IL1RAPL2: variants seen among roughly 807,000 people sequenced by gnomAD.
IL1RAPL2 encodes the protein interleukin 1 receptor accessory protein like 2.
In IL1RAPL2, 3 loss-of-function variants were observed where a neutral mutation model predicts 44.1. The ratio of observed to expected loss-of-function variants is 0.07; its 90% confidence interval spans 0.03 to 0.18. The LOEUF is 0.18. Among genes scored for constraint, IL1RAPL2 ranks in the 10% least tolerant of loss-of-function variants. IL1RAPL2 has a pLI of 1.00. For synonymous variants in IL1RAPL2, 181 were observed against 178.8 expected, an observed-to-expected ratio of 1.01 and a Z score of -0.10; for missense variants, 391 against 496.4, an observed-to-expected ratio of 0.79 and a Z score of 2.02.
intron 2 of IL1RAPL2, among the ~76,000 whole-genome samples, chrX:104,730,013 A>G (rs1379778217): frequency 2.7e-5 from 3 of 111,197 alleles, no homozygotes. Context: ...CAATGATGAT[A>G]TAAGGAAAAA....
chrX:105,119,695 A>G (rs1277908572), intron 2 of IL1RAPL2, among the ~76,000 whole-genome samples: 1 of 111,515 alleles, frequency 9.0e-6, no homozygotes, highest in Admixed American at 9.5e-5. Flanking sequence ...CACTCCCAGC[A>G]TGTGTGTCCA....
chrX:105,038,975 A>G (rs2031674643), intron 2 of IL1RAPL2, among the ~76,000 whole-genome samples: 1 of 111,664 alleles, frequency 9.0e-6, no homozygotes, highest in African/African-American at 3.3e-5. Flanking sequence ...CAATAAGGGA[A>G]TATCAATGCC....
At chrX:105,348,529 A>G (rs1464971590) in intron 5 of IL1RAPL2, among the ~76,000 whole-genome samples, 1 of 111,750 alleles carries the variant, frequency 8.9e-6, no homozygotes, top group African/African-American at 3.3e-5. Context: ...TATTCTCATA[A>G]AGACTCCCAT....
intron 2 of IL1RAPL2, among the ~76,000 whole-genome samples, chrX:104,906,709 A>C (rs1924021870): frequency 8.9e-6 from 1 of 111,856 alleles, no homozygotes; most frequent in Admixed American, 9.5e-5. Flanking sequence ...TCGTTTTGCC[A>C]GTATGTTATT....
At chrX:104,854,000 TTAGA>T (rs963868912) in intron 2 of IL1RAPL2, among the ~76,000 whole-genome samples, 1 of 111,101 alleles carries the variant, frequency 9.0e-6, no homozygotes, top group Non-Finnish European at 1.9e-5. Context: ...AATTCATGTC[TTAGA>T]TAGTGACAAG....
chrX:104,849,250 A>G (rs1332553837), intron 2 of IL1RAPL2, among the ~76,000 whole-genome samples: 1 of 104,603 alleles, frequency 9.6e-6, no homozygotes, highest in Non-Finnish European at 2.0e-5. Flanking sequence ...CAGGCTGGCC[A>G]CGTTGCCCAG....
At chrX:104,724,703 A>G (rs1330893177) in intron 2 of IL1RAPL2, among the ~76,000 whole-genome samples, 1 of 111,567 alleles carries the variant, frequency 9.0e-6, no homozygotes, top group African/African-American at 3.3e-5. Context: ...GCAACTATAG[A>G]CTTCACAACA....
At chrX:104,819,787 C>T (rs1301589928) in intron 2 of IL1RAPL2, among the ~76,000 whole-genome samples, 2 of 111,945 alleles carry the variant, frequency 1.8e-5, no homozygotes, top group African/African-American at 3.2e-5. Flanking sequence ...TTGTGATTTA[C>T]ACTGTTTGTG....
At chrX:105,027,677 A>T (rs1240178959) in intron 2 of IL1RAPL2, among the ~76,000 whole-genome samples, 2 of 111,590 alleles carry the variant, frequency 1.8e-5, no homozygotes. Flanking sequence ...ACATGAAATA[A>T]CAAATGCTGG....
intron 6 of IL1RAPL2, among the ~76,000 whole-genome samples, chrX:105,565,523 C>A (rs2036968022): frequency 8.9e-6 from 1 of 111,884 alleles, no homozygotes; most frequent in African/African-American, 3.2e-5. Context: ...GTCATTTTAA[C>A]AATAAGCCTT....
intron 6 of IL1RAPL2, among the ~76,000 whole-genome samples, chrX:105,653,154 G>T (rs1250213194): frequency 9.0e-6 from 1 of 111,663 alleles, no homozygotes; most frequent in East Asian, 2.8e-4. Context: ...TATAGTAATG[G>T]AATACGGAAA....
chrX:104,650,709 C>T (rs904552623), intron 1 of IL1RAPL2, among the ~76,000 whole-genome samples: 2 of 111,964 alleles, frequency 1.8e-5, no homozygotes, highest in South Asian at 3.7e-4. Context: ...CATTGTCCTG[C>T]ACTTGACTAA....
Position 104,588,573 on chromosome X carries a change from C to CA in IL1RAPL2, c.-20+21533dup, listed in dbSNP as rs35472188. On this transcript the variant is annotated intron_variant, in intron 1 of 10. Transcript: ENST00000372582. Reference sequence around the variant, plus strand: ...TTACTCTCAGATTTTCCAAGTGTTGCAAAAAAAAAAATTGTTTAGAGGTTT... The same window carrying CA: ...TTACTCTCAGATTTTCCAAGTGTTGCAAAAAAAAAAAATTGTTTAGAGGTTT... 1.9e-3 allele frequency among the ~76,000 whole-genome samples: 197 copies of CA among 103,517 alleles called. No homozygotes were observed. The Middle Eastern group carries it at 0.025, about 13-fold the overall frequency. 89.9% of individuals were successfully genotyped at this position (103,517 alleles called of 115,157 possible).
intron 2 of IL1RAPL2, among the ~76,000 whole-genome samples, chrX:104,732,459 C>A (rs1356231379): frequency 9.0e-6 from 1 of 111,535 alleles, no homozygotes; most frequent in Non-Finnish European, 1.9e-5. Context: ...TAGATACAGT[C>A]AAATTTAAAA....
chrX:105,342,770 T>C (rs753711850), intron 5 of IL1RAPL2, among the ~76,000 whole-genome samples: 11 of 112,190 alleles, frequency 9.8e-5, no homozygotes, highest in Non-Finnish European at 1.9e-4. Context: ...TTATTTAATC[T>C]CAAGACACAG....
intron 2 of IL1RAPL2, among the ~76,000 whole-genome samples, chrX:104,786,114 C>T (rs1296464273): frequency 8.9e-6 from 1 of 112,366 alleles, no homozygotes; most frequent in Non-Finnish European, 1.9e-5. Flanking sequence ...AGTGCCAACC[C>T]TAAGCTGTTT....
chrX:104,854,554 C>T (rs1274120795), intron 2 of IL1RAPL2, among the ~76,000 whole-genome samples: 1 of 111,474 alleles, frequency 9.0e-6, no homozygotes. Context: ...TCATAAAAGT[C>T]CAAGGACACT....
intron 5 of IL1RAPL2, among the ~76,000 whole-genome samples, chrX:105,376,243 A>G (rs1428417351): frequency 1.8e-5 from 2 of 112,052 alleles, no homozygotes; most frequent in Non-Finnish European, 3.8e-5. Flanking sequence ...TATCCTTAAC[A>G]TGCTCTTTGT....
intron 6 of IL1RAPL2, among the ~76,000 whole-genome samples, chrX:105,648,690 C>T (rs1241588673): frequency 3.6e-5 from 4 of 112,095 alleles, no homozygotes; most frequent in Non-Finnish European, 5.6e-5. Context: ...AGGTGTTTAA[C>T]GTAGTTGGCA....
Sources: allele counts gnomAD v4.1 joint callset (sites outside exome capture counted in the v4.1 genomes callset), GRCh38; gene constraint gnomAD v4.1.1; transcripts MANE v1.5; gene names NCBI Gene and HGNC (gene_info 2026-07-23, HGNC 2026-07-21).